PPARGC1A: variants seen among roughly 807,000 people sequenced by gnomAD.
The protein encoded by PPARGC1A is peroxisome proliferator-activated receptor gamma coactivator 1-alpha.
PPARGC1A carries 25 observed loss-of-function variants against 88.7 expected under a neutral mutation model. The observed-to-expected ratio is 0.28, with a 90% confidence interval of 0.21 to 0.39. The LOEUF (loss-of-function observed/expected upper bound fraction) is 0.39, where lower values mean the gene tolerates loss of function less well. PPARGC1A is among the 10% of genes least tolerant of loss of function. The probability of loss-of-function intolerance (pLI) is 1.00; values close to 1 mark genes in which losing one functional copy is unlikely to be tolerated. For synonymous variants in PPARGC1A, 363 were observed against 355.6 expected, an observed-to-expected ratio of 1.02 and a Z score of -0.24; for missense variants, 880 against 968.7, an observed-to-expected ratio of 0.91 and a Z score of 1.22.
chr4:24,050,005 A>G, the PPARGC1A span, among the ~76,000 whole-genome samples: 4,892 of 152,230 alleles, frequency 0.032, 255 homozygotes, highest in African/African-American at 0.11. Context: ...TGACAGTGTA[A>G]AGAATTACAT....
At chr4:23,864,491 C>T (rs1399321982) in intron 2 of PPARGC1A, among the ~76,000 whole-genome samples, 1 of 152,214 alleles carries the variant, frequency 6.6e-6, no homozygotes. Flanking sequence ...GGAGTAGCAG[C>T]AACCAGCCCT....
the PPARGC1A span, among the ~76,000 whole-genome samples, chr4:24,303,748 C>T: frequency 6.6e-6 from 1 of 152,002 alleles, no homozygotes; most frequent in East Asian, 1.9e-4. Flanking sequence ...GAGTAGAGTA[C>T]ATCATCTGGT....
chr4:24,103,413 G>T, the PPARGC1A span, among the ~76,000 whole-genome samples: 1 of 150,582 alleles, frequency 6.6e-6, no homozygotes, highest in East Asian at 2.0e-4. Flanking sequence ...GAATGGAAAT[G>T]TGGAGCCTGA....
chr4:24,123,983 A>G, the PPARGC1A span, among the ~76,000 whole-genome samples: 15,565 of 151,680 alleles, frequency 0.1, 1,021 homozygotes, highest in East Asian at 0.24. Context: ...ACTGGAGCAA[A>G]AGTATTGAGA....
chr4:23,988,514 T>C, the PPARGC1A span, among the ~76,000 whole-genome samples: 1 of 152,072 alleles, frequency 6.6e-6, no homozygotes, highest in Non-Finnish European at 1.5e-5. Context: ...TGTGCAACAT[T>C]GTTGGAAAGA....
the PPARGC1A span, among the ~76,000 whole-genome samples, chr4:24,063,447 C>T: frequency 6.6e-6 from 1 of 152,194 alleles, no homozygotes. Flanking sequence ...TGTCCCAGGG[C>T]ATGGCCCCAC....
chr4:23,935,264 A>G, the PPARGC1A span, among the ~76,000 whole-genome samples: 151 of 152,342 alleles, frequency 9.9e-4, no homozygotes, highest in African/African-American at 3.4e-3. Context: ...GTTTCCTAAG[A>G]GCCATAGACT....
chr4:23,946,402 A>G, the PPARGC1A span, among the ~76,000 whole-genome samples: 1 of 152,108 alleles, frequency 6.6e-6, no homozygotes, highest in Admixed American at 6.6e-5. Context: ...CTCACTAGCC[A>G]AGGCTGGGCT....
At chr4:24,030,358 G>T in the PPARGC1A span, among the ~76,000 whole-genome samples, 1 of 152,110 alleles carries the variant, frequency 6.6e-6, no homozygotes, top group Admixed American at 6.6e-5. Flanking sequence ...GTTCACATTG[G>T]GGGCGTCATT....
At chr4:23,899,030 C>T (rs1042749870) in intron 1 of PPARGC1A, among the ~76,000 whole-genome samples, 5 of 151,608 alleles carry the variant, frequency 3.3e-5, no homozygotes, top group East Asian at 1.9e-4. Flanking sequence ...TTAGTAGAGA[C>T]GGGGTTTCAC....
chr4:24,176,903 C>T, the PPARGC1A span, among the ~76,000 whole-genome samples: 1 of 152,242 alleles, frequency 6.6e-6, no homozygotes, highest in East Asian at 1.9e-4. Flanking sequence ...TTTTTTGAAA[C>T]TTAACCTTTT....
the PPARGC1A span, among the ~76,000 whole-genome samples, chr4:24,118,441 C>A: frequency 6.6e-6 from 1 of 152,280 alleles, no homozygotes; most frequent in African/African-American, 2.4e-5. Context: ...TTTAACTCAA[C>A]TCCTGGTCAC....
At chr4:23,934,360 T>C in the PPARGC1A span, among the ~76,000 whole-genome samples, 1 of 152,220 alleles carries the variant, frequency 6.6e-6, no homozygotes, top group Non-Finnish European at 1.5e-5. Flanking sequence ...GGATCAATGT[T>C]CAGCAGCGAC....
At chr4:24,261,732 CTT>C in the PPARGC1A span, among the ~76,000 whole-genome samples, 16,629 of 151,948 alleles carry the variant, frequency 0.11, 1,040 homozygotes, top group South Asian at 0.24. Flanking sequence ...TCTTCCGTTC[CTT>C]TCTCCTATTT....
the PPARGC1A span, among the ~76,000 whole-genome samples, chr4:24,276,643 C>T: frequency 6.6e-6 from 1 of 152,168 alleles, no homozygotes; most frequent in East Asian, 1.9e-4. Context: ...CCCTGGAATC[C>T]CATAATTAGC....
the PPARGC1A span, among the ~76,000 whole-genome samples, chr4:24,091,287 T>A: frequency 1.3e-5 from 2 of 152,190 alleles, no homozygotes; most frequent in Non-Finnish European, 2.9e-5. Context: ...CTAGAGTAAA[T>A]GTATTTGGGG....
the PPARGC1A span, among the ~76,000 whole-genome samples, chr4:24,470,485 C>T: frequency 6.6e-6 from 1 of 152,124 alleles, no homozygotes; most frequent in African/African-American, 2.4e-5. This position sits in a 1 kb window ranked among gnomAD's most constrained non-coding sequence, Gnocchi z 5.8. Flanking sequence ...AGGAAGCCAC[C>T]GGCGCCGGCC....
At chr4:24,303,520 T>C in the PPARGC1A span, among the ~76,000 whole-genome samples, 2 of 152,178 alleles carry the variant, frequency 1.3e-5, no homozygotes, top group Admixed American at 1.3e-4. Context: ...CAAAATTGTG[T>C]TATGTTATCT....
the PPARGC1A span, among the ~76,000 whole-genome samples, chr4:24,222,401 T>C: frequency 2.0e-5 from 3 of 152,196 alleles, no homozygotes; most frequent in Non-Finnish European, 2.9e-5. Flanking sequence ...TCCTCATCCA[T>C]CAATGGGAAT....
Sources: gnomAD v4.1 joint callset for allele counts (sites outside exome capture counted in the v4.1 genomes callset) on GRCh38, gnomAD v4.1.1 for gene constraint, Gnocchi (gnomAD v3.1) non-coding constraint, MANE v1.5 for transcripts, NCBI Gene and HGNC (gene_info 2026-07-23, HGNC 2026-07-21) for gene names.